The following GPR3 variants were observed in gnomAD, a reference collection of about 807,000 sequenced individuals.
The protein encoded by GPR3 is G protein-coupled receptor 3.
A neutral mutation model predicts 18.2 loss-of-function variants in GPR3; 16 were observed. That is an observed-to-expected ratio of 0.88 (90% confidence interval 0.60 to 1.34). The LOEUF is 1.34. Ranked by LOEUF, GPR3 falls within the 40% of genes most tolerant of loss-of-function variation. The pLI is 0.00. For missense variants in GPR3, 326 were observed against 427.6 expected, an observed-to-expected ratio of 0.76 and a Z score of 2.10; for synonymous variants, 183 against 188.9, an observed-to-expected ratio of 0.97 and a Z score of 0.26.
rs548925966 is a variant in GPR3, at chr1:27,394,887, C to T, written c.*96C>T. ...TCCAAACCCCCAGCTCCACACCCCCCAGACCCAGCTGGTTCTGGAGTTCTA... is the reference window on the plus strand; with the variant it reads ...TCCAAACCCCCAGCTCCACACCCCCTAGACCCAGCTGGTTCTGGAGTTCTA... On this transcript the variant is annotated 3_prime_UTR_variant, in exon 2 of 2. Transcript: ENST00000374024. 4 of 1,344,954 alleles carry T rather than the reference C, an allele frequency of 3.0e-6. No homozygotes were observed. The highest frequency in any genetic ancestry group is 2.9e-5 in the African/African-American group (2 of 68,976). 83.3% of individuals were successfully genotyped at this position (1,344,954 alleles called of 1,614,324 possible).
Position 27,394,036 on chromosome 1 carries a change from G to T in GPR3, c.238G>T (p.Gly80Cys). ...CCGTGCCCCCATGTTCCTGCTGGTG[G>T]GCAGCCTGGCCGTGGCAGACCTGCT... ...AFRAPMFLLVGSLAVADLLAG... is the reference protein window; with the variant it reads ...AFRAPMFLLVCSLAVADLLAG... Residue 80 changes from glycine to cysteine, a missense_variant, in exon 2 of 2, where the codon GGC becomes TGC. Physicochemically the swap from Gly to Cys is radical, Grantham distance 159. Transcript: ENST00000374024. 1 of 1,611,404 alleles carries T rather than the reference G, an allele frequency of 6.2e-7. No homozygotes were observed.
At chr1:27,393,726 CA>C (rs1325511298) in intron 1 of GPR3, 67 bp from the exon 2 acceptor site, 2 of 1,353,280 alleles carry the variant, frequency 1.5e-6, no homozygotes, top group Non-Finnish European at 2.0e-6. Flanking sequence ...AGAAGCACCT[CA>C]CCCCCTCCAG....
intron 1 of GPR3, among the ~76,000 whole-genome samples, chr1:27,393,312 C>T (rs1405586082): frequency 6.6e-6 from 1 of 152,032 alleles, no homozygotes; most frequent in East Asian, 1.9e-4. Flanking sequence ...TCCCTGGGGG[C>T]GGAGTCTAAG....
At position 27,394,105 on chromosome 1, in the gene GPR3, A is replaced by G; in HGVS notation, c.307A>G (p.Ile103Val). 4.3e-6 allele frequency: 7 copies of G among 1,611,914 alleles called. No homozygotes were observed. Among genetic ancestry groups the G allele is most frequent in the East Asian group, 4.5e-5 (2 of 44,880 alleles). ...CCTGCACTTTGCTGCTGTCTTCTGCATCGGCTCAGCGGAGATGAGCCTGGT... is the reference window on the plus strand; with the variant it reads ...CCTGCACTTTGCTGCTGTCTTCTGCGTCGGCTCAGCGGAGATGAGCCTGGT... ...LVLHFAAVFC[I>V]GSAEMSLVLV... The change falls in exon 2 of 2, where the codon ATC becomes GTC. Residue 103 changes from isoleucine (I) to valine (V), a missense_variant. Coordinates refer to ENST00000374024, the MANE Select transcript of GPR3 (RefSeq NM_005281.4).
rs2016519434 is a variant in GPR3, at chr1:27,394,221, C to T, written c.423C>T (p.Ala141=). ...TVDRYLSLYN[A]LTYYSETTVT... is the part of the protein sequence containing the mutation. ...ACCGCTACCTTTCTCTGTACAATGCCCTCACCTACTATTCAGAGACAACAG... is the reference window on the plus strand; with the variant it reads ...ACCGCTACCTTTCTCTGTACAATGCTCTCACCTACTATTCAGAGACAACAG... The change falls in exon 2 of 2, where the codon GCC becomes GCT. Residue 141 remains alanine, a synonymous_variant. Coordinates refer to ENST00000374024, the MANE Select transcript of GPR3 (RefSeq NM_005281.4). 3 of 1,613,844 alleles carry T rather than the reference C, an allele frequency of 1.9e-6. No individual in the cohort carries two copies. The highest frequency in any genetic ancestry group is 2.5e-6 in the Non-Finnish European group (3 of 1,180,032).
Position 27,394,965 on chromosome 1 carries a change from C to T in GPR3, c.*174C>T. ...CAGATCCCTATGGGGGCCCAGCTGG[C>T]TCCACGGTTCCAGAATGTTCAGGTG... On this transcript the variant is annotated 3_prime_UTR_variant, in exon 2 of 2. Transcript: ENST00000374024. 1.5e-6 allele frequency: 1 copy of T among 655,394 alleles called. No individual in the cohort carries two copies. The highest frequency in any genetic ancestry group is 2.7e-6 in the Non-Finnish European group (1 of 376,254). The allele number at this position is 655,394 out of a possible 1,614,324, so 40.6% of individuals were successfully genotyped here.
rs185801640 is a variant in GPR3 at position 27,392,721 on chromosome 1, G to A, written c.-22G>A. 2 of 152,226 alleles carry A rather than the reference G, an allele frequency of 1.3e-5. No homozygotes were observed. The highest frequency in any genetic ancestry group is 6.5e-5 in the Admixed American group (1 of 15,298). The allele number at this position is 152,226 out of a possible 1,614,324, so 9.4% of individuals were successfully genotyped here. A position where few individuals can be genotyped will look rare whatever the true frequency, so the allele number is the denominator to read the frequency against. On this transcript the variant is annotated 5_prime_UTR_variant, in exon 1 of 2. Coordinates refer to ENST00000374024, the MANE Select transcript of GPR3 (RefSeq NM_005281.4). Reference sequence around the variant, plus strand: ...AGCGGAGCCTCCCCGCGGCCCGGCCGCGCCTGGTCCTGAGCGGTGAGTAGC... The same window carrying A: ...AGCGGAGCCTCCCCGCGGCCCGGCCACGCCTGGTCCTGAGCGGTGAGTAGC...
intron 1 of GPR3, among the ~76,000 whole-genome samples, chr1:27,392,989 A>G (rs1372421041): frequency 6.6e-6 from 1 of 151,876 alleles, no homozygotes; most frequent in Admixed American, 6.5e-5. Flanking sequence ...TGGTCATCTG[A>G]GGTTAAGCCG....
In GPR3 at chr1:27,393,809, G is replaced by A; in HGVS notation, c.11G>A (p.Gly4Asp). The A allele has an allele frequency of 6.5e-7, 1 of 1,537,852 alleles. No homozygotes were observed. The highest frequency in any genetic ancestry group is 1.8e-4 in the Middle Eastern group (1 of 5,682). The part of the protein sequence containing the change: MMW[G>D]AGSPLAWLSA... ...TCTCCTGCAGGTACCATGATGTGGG[G>A]TGCAGGCAGCCCTCTGGCCTGGCTC... is the stretch of plus-strand genomic sequence containing the variant. The change falls in exon 2 of 2, where the codon GGT becomes GAT. Residue 4 changes from glycine to aspartate, a missense_variant. Physicochemically the swap from Gly to Asp is moderately conservative, Grantham distance 94. Transcript: ENST00000374024.
intron 1 of GPR3, 141 bp downstream of exon 1, chr1:27,392,878 T>C (rs576477549): frequency 3.5e-4 from 54 of 152,430 alleles, no homozygotes; most frequent in African/African-American, 1.2e-3. Flanking sequence ...CGATTCTGGG[T>C]TAGCAGGCTT....
rs183961311 is a variant in GPR3 at position 27,393,726 on chromosome 1, C to T, written c.-5-68C>T. On this transcript the variant is annotated intron_variant, in intron 1 of 1. Transcript: ENST00000374024. ...CCACCACGTATCCTGAGAAGCACCTCACCCCCTCCAGACCCCAACTCCCAT... is the reference window on the plus strand; with the variant it reads ...CCACCACGTATCCTGAGAAGCACCTTACCCCCTCCAGACCCCAACTCCCAT... 1,037 of 1,353,278 alleles carry T rather than the reference C, an allele frequency of 7.7e-4. 18 individuals are homozygous for T. The Admixed American group carries it at 0.021, about 28-fold the overall frequency. 83.8% of individuals were successfully genotyped at this position (1,353,278 alleles called of 1,614,324 possible).
At position 27,394,190 on chromosome 1, in the gene GPR3, C is replaced by T. The variant is rs1192335933; in HGVS notation, c.392C>T (p.Thr131Ile). ...AGCATCGGCAGTCTACTGGCCATCA[C>T]TGTCGACCGCTACCTTTCTCTGTAC... ...TASIGSLLAI[T>I]VDRYLSLYNA... Residue 131 changes from threonine (T) to isoleucine (I), a missense_variant, in exon 2 of 2, where the codon ACT (threonine) becomes ATT (isoleucine). Thr to Ile is a moderately conservative substitution (Grantham distance 89, BLOSUM62 -1). Coordinates refer to ENST00000374024, the MANE Select transcript of GPR3 (RefSeq NM_005281.4). 1 of 1,613,872 alleles carries T rather than the reference C, an allele frequency of 6.2e-7. No homozygotes were observed. The highest frequency in any genetic ancestry group is 1.3e-5 in the African/African-American group (1 of 74,944).
rs1247022190 is a variant in GPR3, at chr1:27,394,040, G to T, written c.242G>T (p.Ser81Ile). Residue 81 changes from serine to isoleucine, a missense_variant, in exon 2 of 2, where the codon AGC (serine) becomes ATC (isoleucine). Coordinates refer to ENST00000374024, the MANE Select transcript of GPR3 (RefSeq NM_005281.4). ...FRAPMFLLVG[S>I]LAVADLLAGL... Reference sequence around the variant, plus strand: ...GCCCCCATGTTCCTGCTGGTGGGCAGCCTGGCCGTGGCAGACCTGCTGGCA... The same window carrying T: ...GCCCCCATGTTCCTGCTGGTGGGCATCCTGGCCGTGGCAGACCTGCTGGCA... The T allele has an allele frequency of 1.9e-6, 3 of 1,611,234 alleles. No homozygotes were observed. Among genetic ancestry groups the T allele is most frequent in the South Asian group, 1.1e-5 (1 of 91,084 alleles).
chr1:27,394,608 T>A lies in GPR3; in HGVS notation c.810T>A (p.Gly270=), dbSNP rs555508561. Reference sequence around the variant, plus strand: ...CCTTCACTGTCTACTGCCTGCTGGGTGATGCCCACTCTCCACCTCTCTACA... The same window carrying A: ...CCTTCACTGTCTACTGCCTGCTGGGAGATGCCCACTCTCCACCTCTCTACA... ...WLPFTVYCLL[G]DAHSPPLYTY... Residue 270 remains glycine, a synonymous_variant, in exon 2 of 2, where the codon GGT becomes GGA. Transcript: ENST00000374024. 1 of 1,614,160 alleles carries A rather than the reference T, an allele frequency of 6.2e-7. No homozygotes were observed. Among genetic ancestry groups the A allele is most frequent in the Non-Finnish European group, 8.5e-7 (1 of 1,180,032 alleles).
In GPR3 at chr1:27,394,746, C is replaced by G; in HGVS notation, c.948C>G (p.Ser316=). The G allele has an allele frequency of 6.2e-7, 1 of 1,614,170 alleles. No individual in the cohort carries two copies. The highest frequency in any genetic ancestry group is 8.5e-7 in the Non-Finnish European group (1 of 1,180,024). Residue 316 remains serine, a synonymous_variant, in exon 2 of 2, where the codon TCC becomes TCG. Transcript: ENST00000374024. ...TGTGGGCTGTCTGCTGCTGCTGTTC[C>G]TCTTCCAAGATCCCCTTCCGATCCC... The part of the protein sequence containing the change: ...KVLWAVCCCC[S]SSKIPFRSRS...
rs777462392 is a variant in GPR3, at chr1:27,394,108, G to A, written c.310G>A (p.Gly104Ser). The A allele has an allele frequency of 1.2e-5, 19 of 1,612,028 alleles. No homozygotes were observed. The highest frequency in any genetic ancestry group is 3.3e-5 in the Admixed American group (2 of 60,034). The change falls in exon 2 of 2, where the codon GGC (glycine) becomes AGC (serine). Residue 104 changes from glycine (G) to serine (S), a missense_variant. Coordinates refer to ENST00000374024, the MANE Select transcript of GPR3 (RefSeq NM_005281.4). ...VLHFAAVFCI[G>S]SAEMSLVLVG... The stretch of plus-strand genomic sequence containing the variant: ...GCACTTTGCTGCTGTCTTCTGCATC[G>A]GCTCAGCGGAGATGAGCCTGGTGCT...
At position 27,393,832 on chromosome 1, in the gene GPR3, C is replaced by T. The variant is rs761278965; in HGVS notation, c.34C>T (p.Leu12Phe). 1.3e-6 allele frequency: 2 copies of T among 1,564,926 alleles called. No homozygotes were observed. The highest frequency in any genetic ancestry group is 8.7e-7 in the Non-Finnish European group (1 of 1,152,510). ...MWGAGSPLAWLSAGSGNVNVS... is the reference protein window; with the variant it reads ...MWGAGSPLAWFSAGSGNVNVS... ...GGGTGCAGGCAGCCCTCTGGCCTGGCTCTCAGCTGGCTCAGGCAACGTGAA... is the reference window on the plus strand; with the variant it reads ...GGGTGCAGGCAGCCCTCTGGCCTGGTTCTCAGCTGGCTCAGGCAACGTGAA... The change falls in exon 2 of 2, where the codon CTC (leucine) becomes TTC (phenylalanine). Residue 12 changes from leucine to phenylalanine, a missense_variant. By Grantham distance (22) the Leu-to-Phe change is conservative. Transcript: ENST00000374024.
At position 27,394,552 on chromosome 1, in the gene GPR3, G is replaced by A; in HGVS notation, c.754G>A (p.Val252Met). ...TRKGIATLAV[V>M]LGAFAACWLP... ...CAAGGGCATTGCCACACTGGCCGTG[G>A]TGCTTGGAGCCTTTGCCGCCTGCTG... Residue 252 changes from valine to methionine, a missense_variant, in exon 2 of 2, where the codon GTG (valine) becomes ATG (methionine). Val to Met is a conservative substitution (Grantham distance 21). Coordinates refer to ENST00000374024, the MANE Select transcript of GPR3 (RefSeq NM_005281.4). The A allele has an allele frequency of 6.2e-7, 1 of 1,614,180 alleles. No homozygotes were observed. The highest frequency in any genetic ancestry group is 1.1e-5 in the South Asian group (1 of 91,082).
Position 27,394,539 on chromosome 1 carries a change from C to T in GPR3, c.741C>T (p.Ala247=). ...SHYVATRKGI[A]TLAVVLGAFA... ...ATGTGGCCACCCGCAAGGGCATTGCCACACTGGCCGTGGTGCTTGGAGCCT... is the reference window on the plus strand; with the variant it reads ...ATGTGGCCACCCGCAAGGGCATTGCTACACTGGCCGTGGTGCTTGGAGCCT... The change falls in exon 2 of 2, where the codon GCC becomes GCT. Residue 247 remains alanine, a synonymous_variant. Transcript: ENST00000374024. The T allele has an allele frequency of 6.2e-7, 1 of 1,614,178 alleles. No homozygotes were observed. The highest frequency in any genetic ancestry group is 2.2e-5 in the East Asian group (1 of 44,872).
Sources: gnomAD v4.1 joint callset for allele counts (sites outside exome capture counted in the v4.1 genomes callset) on GRCh38, gnomAD v4.1.1 for gene constraint, MANE v1.5 for transcripts, NCBI Gene and HGNC (gene_info 2026-07-23, HGNC 2026-07-21) for gene names.